The following ADGRL2 variants were observed in gnomAD, a reference collection of about 807,000 sequenced individuals.
ADGRL2 encodes the protein calcium-independent alpha-latrotoxin receptor 2.
ADGRL2 carries 44 observed loss-of-function variants against 157.4 expected under a neutral mutation model. The observed-to-expected ratio is 0.28, with a 90% CI of 0.22 to 0.36. The LOEUF is 0.36. Among genes scored for constraint, ADGRL2 ranks in the 10% least tolerant of loss-of-function variants. The pLI is 1.00. For synonymous variants in ADGRL2, 585 were observed against 624.7 expected, an observed-to-expected ratio of 0.94 and a Z score of 0.95; for missense variants, 1,510 against 1,768.9, an observed-to-expected ratio of 0.85 and a Z score of 2.63.
intron 1 of ADGRL2, among the ~76,000 whole-genome samples, chr1:81,392,594 T>C (rs1017600508): frequency 6.6e-6 from 1 of 151,910 alleles, no homozygotes; most frequent in African/African-American, 2.4e-5. Flanking sequence ...AAGCAGAAAA[T>C]AAATTAGCAA....
chr1:81,356,393 G>T (rs546361851), intron 1 of ADGRL2, among the ~76,000 whole-genome samples: 1 of 152,228 alleles, frequency 6.6e-6, no homozygotes, highest in East Asian at 1.9e-4. Context: ...ATCAAATTCT[G>T]TGTCTTCTGA....
chr1:81,398,187 G>C (rs919191804), intron 1 of ADGRL2, among the ~76,000 whole-genome samples: 9 of 151,550 alleles, frequency 5.9e-5, no homozygotes, highest in African/African-American at 2.2e-4. Flanking sequence ...TTCATTTTCA[G>C]TCTATTTGTG....
At chr1:81,484,667 C>A (rs1215857009) in intron 2 of ADGRL2, among the ~76,000 whole-genome samples, 3 of 152,054 alleles carry the variant, frequency 2.0e-5, no homozygotes, top group Non-Finnish European at 2.9e-5. Context: ...GTCCTTTGTT[C>A]ATGAACAGGA....
chr1:81,541,563 G>A (rs2079884110), intron 2 of ADGRL2, among the ~76,000 whole-genome samples: 1 of 152,144 alleles, frequency 6.6e-6, no homozygotes, highest in South Asian at 2.1e-4. Flanking sequence ...TTGCTTTCTA[G>A]AAATTATAAG....
chr1:81,633,373 A>G (rs560705459), intron 3 of ADGRL2, among the ~76,000 whole-genome samples: 1 of 151,948 alleles, frequency 6.6e-6, no homozygotes, highest in Non-Finnish European at 1.5e-5. Context: ...AGGCTGGCAG[A>G]TCACTTGAGT....
At chr1:81,593,469 T>C (rs890894997) in intron 3 of ADGRL2, among the ~76,000 whole-genome samples, 7 of 152,196 alleles carry the variant, frequency 4.6e-5, no homozygotes, top group African/African-American at 1.7e-4. Context: ...TGAACTAATA[T>C]GTGAAGTGTT....
chr1:81,362,756 T>TATATTCTGTTTAAAC (rs1553157430), intron 1 of ADGRL2, among the ~76,000 whole-genome samples: 5 of 152,006 alleles, frequency 3.3e-5, no homozygotes, highest in Non-Finnish European at 7.4e-5. Flanking sequence ...GTCATTTCCT[T>TATATTCTGTTTAAAC]ATATTCTGTT....
intron 1 of ADGRL2, among the ~76,000 whole-genome samples, chr1:81,817,469 ATAAT>A (rs2090528710): frequency 6.6e-6 from 1 of 152,042 alleles, no homozygotes. Context: ...GTATATGTAA[ATAAT>A]ACACATTTTT....
intron 2 of ADGRL2, chr1:81,503,372 G>T (rs2078897665): frequency 6.2e-7 from 1 of 1,613,798 alleles, no homozygotes; most frequent in Non-Finnish European, 8.5e-7. Flanking sequence ...AGCCTCGGCA[G>T]CAGCGCCAGC....
At chr1:81,905,184 G>A (rs374433796) in intron 2 of ADGRL2, among the ~76,000 whole-genome samples, 5 of 149,654 alleles carry the variant, frequency 3.3e-5, no homozygotes, top group African/African-American at 4.9e-5. Context: ...TGCAACCCCC[G>A]CCTCCCAGGT....
chr1:81,755,573 A>G (rs1483754914), intron 1 of ADGRL2, among the ~76,000 whole-genome samples: 1 of 152,144 alleles, frequency 6.6e-6, no homozygotes, highest in African/African-American at 2.4e-5. Context: ...TGAGACCACA[A>G]TTATTTTACT....
intron 1 of ADGRL2, among the ~76,000 whole-genome samples, chr1:81,323,836 G>C (rs1417526710): frequency 6.6e-6 from 1 of 152,106 alleles, no homozygotes; most frequent in Admixed American, 6.5e-5. Context: ...ATAATTAAGA[G>C]ACCCTTAAAG....
At chr1:81,878,279 T>C (rs1458860085) in intron 2 of ADGRL2, among the ~76,000 whole-genome samples, 2 of 152,166 alleles carry the variant, frequency 1.3e-5, no homozygotes, top group African/African-American at 4.8e-5. Context: ...AGCCTATCTA[T>C]GTTTGAATAG....
At chr1:81,482,703 T>C (rs1225514789) in intron 2 of ADGRL2, among the ~76,000 whole-genome samples, 1 of 152,106 alleles carries the variant, frequency 6.6e-6, no homozygotes, top group Non-Finnish European at 1.5e-5. Flanking sequence ...ACACAGGAGA[T>C]ATTAGATAGG....
At chr1:81,615,318 GCCAC>G (rs1385394000) in intron 3 of ADGRL2, among the ~76,000 whole-genome samples, 1 of 152,202 alleles carries the variant, frequency 6.6e-6, no homozygotes, top group African/African-American at 2.4e-5. Context: ...ATCAAAGCAG[GCCAC>G]CCGAGCCAGC....
At chr1:81,565,137 G>C (rs2080529322) in intron 2 of ADGRL2, among the ~76,000 whole-genome samples, 1 of 152,146 alleles carries the variant, frequency 6.6e-6, no homozygotes, top group African/African-American at 2.4e-5. Context: ...AAAGACAACA[G>C]CTGTTTGAAC....
chr1:81,905,201 G>T (rs1012887050), intron 2 of ADGRL2, among the ~76,000 whole-genome samples: 3 of 151,282 alleles, frequency 2.0e-5, no homozygotes, highest in Non-Finnish European at 4.4e-5. Flanking sequence ...AGGTTCAAAT[G>T]ATTCTCCTGC....
intron 1 of ADGRL2, among the ~76,000 whole-genome samples, chr1:81,400,658 G>C (rs184349887): frequency 6.6e-6 from 1 of 152,098 alleles, no homozygotes; most frequent in South Asian, 2.1e-4. Context: ...AAGCTCAGCT[G>C]TATCCTAGAC....
chr1:81,764,768 A>C (rs1159725044), intron 2 of ADGRL2, among the ~76,000 whole-genome samples: 1 of 152,134 alleles, frequency 6.6e-6, no homozygotes, highest in Non-Finnish European at 1.5e-5. Context: ...GGGTTATACT[A>C]TAAGATTTTT....
Sources: gnomAD v4.1 joint callset for allele counts (sites outside exome capture counted in the v4.1 genomes callset) on GRCh38, gnomAD v4.1.1 for gene constraint, MANE v1.5 for transcripts, NCBI Gene and HGNC (gene_info 2026-07-23, HGNC 2026-07-21) for gene names.